The following CDK14 variants were observed in gnomAD, a reference collection of about 807,000 sequenced individuals.
CDK14 encodes cyclin dependent kinase 14, also known as cyclin-dependent kinase 14.
CDK14 carries 34 observed loss-of-function variants against 60.7 expected under a neutral mutation model. The observed-to-expected ratio is 0.56, with a 90% CI of 0.43 to 0.75. The LOEUF is 0.75. Among genes scored for constraint, CDK14 ranks in the 30% least tolerant of loss-of-function variants. The pLI, the probability that CDK14 is intolerant of heterozygous loss-of-function variation, is 0.00. For synonymous variants in CDK14, 197 were observed against 203.7 expected, an observed-to-expected ratio of 0.97 and a Z score of 0.28; for missense variants, 482 against 564.1, an observed-to-expected ratio of 0.85 and a Z score of 1.47.
chr7:90,678,670 A>G (rs1400311394), intron 2 of CDK14, among the ~76,000 whole-genome samples: 2 of 152,150 alleles, frequency 1.3e-5, no homozygotes, highest in Non-Finnish European at 2.9e-5. Flanking sequence ...AGAGGATTTA[A>G]TGAAGAAGGA....
rs1306565964 is a variant in CDK14 at position 90,902,105 on chromosome 7, A to G, written c.702+2752A>G. Among the ~76,000 whole-genome samples, 4 of 152,218 alleles carry G rather than the reference A, an allele frequency of 2.6e-5. No individual in the cohort carries two copies. The East Asian group carries it at 7.7e-4, about 29-fold the overall frequency. ...AACAGTGATCAAAGAAATTGAAGAG[A>G]TACAAATGGAAAAACATCCTATGAT... is the stretch of plus-strand genomic sequence containing the variant. On this transcript the variant is annotated intron_variant, in intron 7 of 14. Coordinates refer to ENST00000380050, the MANE Select transcript of CDK14 (RefSeq NM_001287135.2).
At chr7:90,642,546 AT>A (rs1279926544) in intron 2 of CDK14, among the ~76,000 whole-genome samples, 1 of 151,824 alleles carries the variant, frequency 6.6e-6, no homozygotes, top group Non-Finnish European at 1.5e-5. Context: ...TTAAATTTTT[AT>A]TTTTTTATTT....
At chr7:90,833,003 A>AC (rs1789963977) in intron 5 of CDK14, among the ~76,000 whole-genome samples, 1 of 152,178 alleles carries the variant, frequency 6.6e-6, no homozygotes, top group African/African-American at 2.4e-5. Flanking sequence ...CTTGTCACCC[A>AC]TCATGTCAGC....
chr7:90,924,329 A>T (rs1389568411), intron 8 of CDK14, among the ~76,000 whole-genome samples: 1 of 152,218 alleles, frequency 6.6e-6, no homozygotes, highest in African/African-American at 2.4e-5. Flanking sequence ...AACCCTCAAG[A>T]CCCAAGCACC....
chr7:90,647,510 C>CTT (rs35863423), intron 2 of CDK14, among the ~76,000 whole-genome samples: 60 of 147,712 alleles, frequency 4.1e-4, no homozygotes, highest in African/African-American at 7.4e-4. Context: ...ATTTTTTTAT[C>CTT]TTTTTTTTTT....
At chr7:90,974,568 C>A (rs1348322294) in intron 9 of CDK14, among the ~76,000 whole-genome samples, 1 of 152,078 alleles carries the variant, frequency 6.6e-6, no homozygotes, top group East Asian at 1.9e-4. Context: ...AGAAGGAGAA[C>A]AATGTTTTAT....
chr7:90,636,627 A>G (rs1221856614), intron 2 of CDK14, among the ~76,000 whole-genome samples: 1 of 151,992 alleles, frequency 6.6e-6, no homozygotes, highest in East Asian at 1.9e-4. Context: ...CAGCTTTGGT[A>G]TCAGGATGAT....
At chr7:91,195,975 A>G (rs1038185525) in intron 14 of CDK14, among the ~76,000 whole-genome samples, 2 of 152,210 alleles carry the variant, frequency 1.3e-5, no homozygotes, top group African/African-American at 4.8e-5. Flanking sequence ...TGTGTTTCCC[A>G]GAGTCCTTGC....
At chr7:90,782,863 C>G (rs1247574873) in intron 4 of CDK14, among the ~76,000 whole-genome samples, 2 of 151,912 alleles carry the variant, frequency 1.3e-5, no homozygotes, top group African/African-American at 4.8e-5. Flanking sequence ...AGTTGGGGTT[C>G]CATGAAAATG....
chr7:90,649,371 TTCCTTCCTTCCTTCC>T (rs1800565095), intron 2 of CDK14, among the ~76,000 whole-genome samples: 4 of 41,210 alleles, frequency 9.7e-5, no homozygotes, highest in Admixed American at 3.3e-4. Flanking sequence ...CTTCCTTTCC[TTCCTTCCTTCCTTCC>T]TTCCTTCCTT....
At chr7:90,626,744 A>C (rs1252473730) in intron 2 of CDK14, among the ~76,000 whole-genome samples, 1 of 152,170 alleles carries the variant, frequency 6.6e-6, no homozygotes, top group Admixed American at 6.5e-5. Context: ...GTTGGAGACC[A>C]GCCTGGGCAA....
intron 4 of CDK14, among the ~76,000 whole-genome samples, chr7:90,765,735 G>A (rs777755515): frequency 2.0e-5 from 3 of 151,964 alleles, no homozygotes; most frequent in Admixed American, 2.0e-4. Flanking sequence ...AGTGAGGCAG[G>A]GAAAGAAAAG....
intron 6 of CDK14, among the ~76,000 whole-genome samples, chr7:90,878,952 T>A (rs1791653215): frequency 1.3e-5 from 2 of 152,242 alleles, no homozygotes; most frequent in African/African-American, 4.8e-5. Flanking sequence ...ATGAGTAGTA[T>A]TTGCCTAATG....
chr7:91,106,959 A>G (rs953744035), intron 12 of CDK14, among the ~76,000 whole-genome samples: 2 of 152,216 alleles, frequency 1.3e-5, no homozygotes, highest in African/African-American at 4.8e-5. Context: ...AGTCATTACC[A>G]TTCTACCAAG....
At chr7:90,934,421 C>T (rs1316609958) in intron 8 of CDK14, among the ~76,000 whole-genome samples, 2 of 152,352 alleles carry the variant, frequency 1.3e-5, no homozygotes, top group African/African-American at 2.4e-5. Flanking sequence ...AGCCAAGGCT[C>T]ACAGCAACAA....
At chr7:90,705,721 A>G (rs1032124862) in intron 2 of CDK14, among the ~76,000 whole-genome samples, 1 of 150,962 alleles carries the variant, frequency 6.6e-6, no homozygotes, top group African/African-American at 2.4e-5. Flanking sequence ...TGGTGATATT[A>G]GAAGGAAGAG....
chr7:91,196,239 A>G (rs551757726), intron 14 of CDK14, among the ~76,000 whole-genome samples: 4 of 152,302 alleles, frequency 2.6e-5, no homozygotes, highest in South Asian at 2.1e-4. Context: ...ACGTTTGTCT[A>G]TATCCTGTCG....
chr7:91,195,670 T>C (rs1802512431), intron 14 of CDK14, among the ~76,000 whole-genome samples: 1 of 152,206 alleles, frequency 6.6e-6, no homozygotes. Context: ...ACCAGCTGCA[T>C]TATCTGATTT....
At chr7:90,680,497 A>C (rs1370483697) in intron 2 of CDK14, among the ~76,000 whole-genome samples, 1 of 152,232 alleles carries the variant, frequency 6.6e-6, no homozygotes, top group Non-Finnish European at 1.5e-5. Context: ...TCATGATGTA[A>C]AAGAAGCCAG....
Sources: gnomAD v4.1 joint callset for allele counts (sites outside exome capture counted in the v4.1 genomes callset) on GRCh38, gnomAD v4.1.1 for gene constraint, MANE v1.5 for transcripts, NCBI Gene and HGNC (gene_info 2026-07-23, HGNC 2026-07-21) for gene names.